Variants in ABCA3 observed in about 807,000 individuals in gnomAD.
ABCA3 encodes the protein phospholipid-transporting ATPase ABCA3.
Under a neutral mutation model 172.8 loss-of-function variants are expected in ABCA3, and 88 were observed. The observed-to-expected ratio is 0.51, with a 90% confidence interval of 0.43 to 0.61. The LOEUF (loss-of-function observed/expected upper bound fraction) is 0.61, where lower values mean the gene tolerates loss of function less well. Ranked by LOEUF, ABCA3 falls within the 20% of genes least tolerant of loss-of-function variation. The pLI, the probability that ABCA3 is intolerant of heterozygous loss-of-function variation, is 0.00. For synonymous variants in ABCA3, 1,066 were observed against 983.8 expected, an observed-to-expected ratio of 1.08 and a Z score of -1.56; for missense variants, 2,164 against 2,301.0, an observed-to-expected ratio of 0.94 and a Z score of 1.22.
At chr16:2,339,172 T>C (rs1490452203) in intron 1 of ABCA3, 1 of 152,212 alleles carries the variant, frequency 6.6e-6, no homozygotes, top group Admixed American at 6.5e-5. Context: ...GGGGAAGAAA[T>C]GGCAAACTAG....
intron 7 of ABCA3, among the ~76,000 whole-genome samples, chr16:2,321,154 T>C (rs2093725450): frequency 6.6e-6 from 1 of 152,194 alleles, no homozygotes; most frequent in South Asian, 2.1e-4. Flanking sequence ...AGCTCCTGCC[T>C]GGGCCCCAGT....
chr16:2,332,725 A>G (rs1347882727), intron 1 of ABCA3: 1 of 1,239,442 alleles, frequency 8.1e-7, no homozygotes, highest in Non-Finnish European at 1.2e-6. Context: ...AAAGACCCGC[A>G]CCGATTGCCT....
At position 2,328,914 on chromosome 16, in the gene ABCA3, A is replaced by G. The variant is rs1396549324; in HGVS notation, c.-331-157T>C. Among the ~76,000 whole-genome samples the G allele has an allele frequency of 2.0e-5, 3 of 149,642 alleles. No individual in the cohort carries two copies. In the East Asian group the frequency reaches 5.8e-4, roughly 29 times the overall value. On this transcript the variant is annotated intron_variant, in intron 2 of 32. Transcript: ENST00000301732. ...CGGGGAAGGGTTTTTTTTTTTTTTT[A>G]AATGACCCATTTTACTTTTGGTTTG...
In ABCA3 at chr16:2,298,316, C is replaced by T. The variant is rs45589336; in HGVS notation, c.1896+70G>A. On this transcript the variant is annotated intron_variant, in intron 15 of 32. Transcript: ENST00000301732. ...GCTCCCTTCCTCCAGTTTAGCTCCT[C>T]GGAAGACTGCCCCAGAAACTCGAGC... 3.2e-5 allele frequency: 52 copies of T among 1,604,226 alleles called. No individual in the cohort carries two copies. The Middle Eastern group carries it at 5.0e-4, about 15-fold the overall frequency.
Position 2,286,233 on chromosome 16 carries a change from C to T in ABCA3, c.3278+461G>A, listed in dbSNP as rs572179821. Among the ~76,000 whole-genome samples the T allele has an allele frequency of 7.2e-5, 11 of 152,116 alleles. No individual in the cohort carries two copies. The highest frequency in any genetic ancestry group is 2.2e-4 in the African/African-American group (9 of 41,516). On this transcript the variant is annotated intron_variant, in intron 22 of 32. Coordinates refer to ENST00000301732, the MANE Select transcript of ABCA3 (RefSeq NM_001089.3). The surrounding 1 kb of genome is among the most constrained non-coding windows in gnomAD (Gnocchi z 5.2). ...CCAGGAGCTCTGGGGGCTCTGTGGC[C>T]GGCATAGGGGGTAGCCCTGCCCACA...
intron 10 of ABCA3, among the ~76,000 whole-genome samples, chr16:2,309,612 G>C (rs1240942409): frequency 6.6e-6 from 1 of 152,174 alleles, no homozygotes; most frequent in Admixed American, 6.5e-5. Flanking sequence ...AAACTGTTTG[G>C]TTTTCTTTTC....
rs544222919 is a variant in ABCA3, at chr16:2,276,931, C to G, written c.4984-126G>C. The G allele has an allele frequency of 2.2e-6, 3 of 1,370,948 alleles. No individual in the cohort carries two copies. The South Asian group carries it at 3.6e-5, about 17-fold the overall frequency. 84.9% of individuals were successfully genotyped at this position (1,370,948 alleles called of 1,614,324 possible). A position where few individuals can be genotyped will look rare whatever the true frequency, so the allele number is the denominator to read the frequency against. ...AATCCTACCCCTGCCCAGCGCCACCCCAGAGCCCCAGAGAGGTCAGCCCTG... is the reference window on the plus strand; with the variant it reads ...AATCCTACCCCTGCCCAGCGCCACCGCAGAGCCCCAGAGAGGTCAGCCCTG... On this transcript the variant is annotated intron_variant, in intron 32 of 32. Coordinates refer to ENST00000301732, the MANE Select transcript of ABCA3 (RefSeq NM_001089.3).
At chr16:2,319,873 C>G (rs1386745474) in intron 7 of ABCA3, 33 bp from the exon 8 acceptor site, 1 of 1,611,970 alleles carries the variant, frequency 6.2e-7, no homozygotes, top group East Asian at 2.2e-5. Context: ...GCCCAGCCAC[C>G]TCGAGGAGCT....
chr16:2,285,674 G>A lies in ABCA3; in HGVS notation c.3279-28C>T, dbSNP rs867352341. On this transcript the variant is annotated intron_variant, in intron 22 of 32. Transcript: ENST00000301732. This position sits in a 1 kb window ranked among gnomAD's most constrained non-coding sequence, Gnocchi z 4.7. Reference sequence around the variant, plus strand: ...GCGGGGGACAGAGAAGGTCAGGGACGGAGCACAGCACGTCTGGGTGGCAGG... The same window carrying A: ...GCGGGGGACAGAGAAGGTCAGGGACAGAGCACAGCACGTCTGGGTGGCAGG... 34 of 1,550,028 alleles carry A rather than the reference G, an allele frequency of 2.2e-5. No homozygotes were observed. Among genetic ancestry groups the A allele is most frequent in the Middle Eastern group, 1.7e-4 (1 of 5,928 alleles).
chr16:2,315,687 CAG>C (rs1467432551), intron 10 of ABCA3, among the ~76,000 whole-genome samples: 1 of 151,908 alleles, frequency 6.6e-6, no homozygotes, highest in Non-Finnish European at 1.5e-5. Flanking sequence ...TTTTTTGAGA[CAG>C]GGTCCCTCTC....
At chr16:2,332,590 A>G in intron 1 of ABCA3, 5 of 1,463,898 alleles carry the variant, frequency 3.4e-6, no homozygotes, top group Non-Finnish European at 4.8e-6. Flanking sequence ...GAGAAGCAAA[A>G]CTGGCTCCAG....
chr16:2,292,265 T>A (rs769406356), intron 18 of ABCA3, 27 bp from the exon 19 acceptor site: 5 of 1,580,932 alleles, frequency 3.2e-6, no homozygotes, highest in Middle Eastern at 1.7e-4. Flanking sequence ...GCATTATGAG[T>A]CACTTCTCAG....
intron 10 of ABCA3, among the ~76,000 whole-genome samples, chr16:2,314,872 CTTTTT>C (rs35616252): frequency 2.1e-5 from 2 of 93,502 alleles, no homozygotes; most frequent in Admixed American, 1.3e-4. Context: ...AGTGCCTGGT[CTTTTT>C]TTTTTTTTTT....
Position 2,310,281 on chromosome 16 carries a change from G to A in ABCA3, c.1112-1658C>T, listed in dbSNP as rs376921337. Reference sequence around the variant, plus strand: ...TAGCTGGGCATGGGTGGTGGTGTGCGCCTGTAGTCGCAGCTACTCAGGAGG... The same window carrying A: ...TAGCTGGGCATGGGTGGTGGTGTGCACCTGTAGTCGCAGCTACTCAGGAGG... On this transcript the variant is annotated intron_variant, in intron 10 of 32. Transcript: ENST00000301732. 1.8e-4 allele frequency among the ~76,000 whole-genome samples: 28 copies of A among 151,904 alleles called. 1 individual carries two copies. The highest frequency in any genetic ancestry group is 1.8e-3 in the East Asian group (9 of 5,112).
Position 2,285,342 on chromosome 16 carries a change from G to A in ABCA3, c.3483+100C>T. On this transcript the variant is annotated intron_variant, in intron 23 of 32. Transcript: ENST00000301732. The surrounding 1 kb of genome is among the most constrained non-coding windows in gnomAD (Gnocchi z 4.7). The stretch of plus-strand genomic sequence containing the variant: ...CTCCCTGAGTCGGGCCGAGCTGCCG[G>A]CCTAGGGGCTGCCCAGCTGGTTCCG... 1.4e-6 allele frequency: 2 copies of A among 1,424,926 alleles called. No individual in the cohort carries two copies. Among genetic ancestry groups the A allele is most frequent in the South Asian group, 2.5e-5 (2 of 81,120 alleles). 88.3% of individuals were successfully genotyped at this position (1,424,926 alleles called of 1,614,324 possible).
intron 7 of ABCA3, among the ~76,000 whole-genome samples, chr16:2,321,639 C>A (rs1004373582): frequency 2.6e-5 from 4 of 152,014 alleles, no homozygotes; most frequent in Non-Finnish European, 5.9e-5. Flanking sequence ...TCTTGGCTGT[C>A]CCTAGCTCAG....
Position 2,285,868 on chromosome 16 carries a change from C to T in ABCA3, c.3279-222G>A, listed in dbSNP as rs1366712373. 6.6e-6 allele frequency among the ~76,000 whole-genome samples: 1 copy of T among 152,144 alleles called. No homozygotes were observed. Among genetic ancestry groups the T allele is most frequent in the Non-Finnish European group, 1.5e-5 (1 of 68,026 alleles). On this transcript the variant is annotated intron_variant, in intron 22 of 32. Transcript: ENST00000301732. This position sits in a 1 kb window ranked among gnomAD's most constrained non-coding sequence, Gnocchi z 4.7. ...TATGCTGACCATGTGACAATGGCAG[C>T]GTCACTCTCCCTCATCACCCCGCTC...
chr16:2,289,568 C>A lies in ABCA3; in HGVS notation c.2566G>T (p.Ala856Ser), dbSNP rs781179550. 3.2e-6 allele frequency: 5 copies of A among 1,559,488 alleles called. No homozygotes were observed. The South Asian group carries it at 5.9e-5, about 18-fold the overall frequency. Residue 856 changes from alanine to serine, a missense_variant, in exon 20 of 33, where the codon GCC becomes TCC. This residue lies in a region of ABCA3 where 1,343 missense variants were observed against 1,369.6 expected (regional missense o/e 0.98). Transcript: ENST00000301732. Reference protein sequence around the residue: ...SMDIQAIQLPALQYQHERRAS... With the variant: ...SMDIQAIQLPSLQYQHERRAS... ...CGCCTCTCGTGCTGGTACTGCAGGG[C>A]AGGGAGCTGGATGGCCTGGATGTCC...
In ABCA3 at chr16:2,284,193, G is replaced by A; in HGVS notation, c.3862+86C>T. 2.0e-6 allele frequency: 3 copies of A among 1,485,468 alleles called. No individual in the cohort carries two copies. The highest frequency in any genetic ancestry group is 2.4e-5 in the East Asian group (1 of 41,762). 92.0% of individuals were successfully genotyped at this position (1,485,468 alleles called of 1,614,324 possible). A position where few individuals can be genotyped will look rare whatever the true frequency, so the allele number is the denominator to read the frequency against. ...AGCCCCAGGCCACTCAGACGCAGAG[G>A]AGCCCCTGCCCTAGGAGGCCCCTCT... On this transcript the variant is annotated intron_variant, in intron 25 of 32. Transcript: ENST00000301732. The surrounding 1 kb of genome is among the most constrained non-coding windows in gnomAD (Gnocchi z 5.9).
Sources: gnomAD v4.1 joint callset for allele counts (sites outside exome capture counted in the v4.1 genomes callset) on GRCh38, gnomAD v4.1.1 for gene constraint, gnomAD v4.1.1 regional missense constraint, Gnocchi (gnomAD v3.1) non-coding constraint, MANE v1.5 for transcripts, NCBI Gene and HGNC (gene_info 2026-07-23, HGNC 2026-07-21) for gene names.